The following SUMO2 variants were observed in gnomAD, a reference collection of about 807,000 sequenced individuals.
The protein encoded by SUMO2 is small ubiquitin like modifier 2, also known as small ubiquitin-related modifier 2.
A neutral mutation model predicts 16.0 loss-of-function variants in SUMO2; 1 was observed. The observed-to-expected ratio is 0.06, with a 90% CI of 0.02 to 0.30. The LOEUF is 0.30. Among genes scored for constraint, SUMO2 ranks in the 10% least tolerant of loss-of-function variants. The probability of loss-of-function intolerance (pLI) is 1.00; values close to 1 mark genes in which losing one functional copy is unlikely to be tolerated. For missense variants in SUMO2, 16 were observed against 117.5 expected (o/e 0.14, Z 3.99); for synonymous variants, 36 against 40.6 (o/e 0.89, Z 0.43).
chr17:75,176,131 C>T (rs951916707), intron 2 of SUMO2, among the ~76,000 whole-genome samples: 1 of 151,798 alleles, frequency 6.6e-6, no homozygotes, highest in Admixed American at 6.6e-5. Flanking sequence ...CCTCCACCAC[C>T]GGAGTTCAAG....
chr17:75,174,221 C>G (rs1014536428), intron 3 of SUMO2, among the ~76,000 whole-genome samples: 1 of 151,762 alleles, frequency 6.6e-6, no homozygotes, highest in Non-Finnish European at 1.5e-5. Context: ...GAAACCCCAT[C>G]CCTACCAAAA....
At position 75,182,926 on chromosome 17, in the gene SUMO2, A is replaced by T. The variant is rs940860012; in HGVS notation, c.-92T>A. On this transcript the variant is annotated 5_prime_UTR_variant, in exon 1 of 4. Transcript: ENST00000420826. ...ACACAAGCAGCACCAGGAGCGGCAG[A>T]AGAAGGAGGCGGCAGCGGTGGACGA... 2.5e-5 allele frequency: 29 copies of T among 1,139,248 alleles called. No individual in the cohort carries two copies. Among genetic ancestry groups the T allele is most frequent in the Middle Eastern group, 3.3e-4 (1 of 3,010 alleles). 70.6% of individuals were successfully genotyped at this position (1,139,248 alleles called of 1,614,324 possible). A position where few individuals can be genotyped will look rare whatever the true frequency, so the allele number is the denominator to read the frequency against.
chr17:75,174,742 A>AT lies in SUMO2; in HGVS notation c.225+9dup, dbSNP rs150734961. On this transcript the variant is annotated intron_variant, in intron 3 of 3. Transcript: ENST00000420826. Reference sequence around the variant, plus strand: ...ATGGTAATTTTTCTAATTAGGAGAGATTTTTTTACCTGTGCAGGTGTGTCT... The same window carrying AT: ...ATGGTAATTTTTCTAATTAGGAGAGATTTTTTTTACCTGTGCAGGTGTGTCT... The AT allele has an allele frequency of 2.7e-3, 4,354 of 1,611,246 alleles. 90 individuals carry two copies. The African/African-American group carries it at 0.046, about 17-fold the overall frequency.
At position 75,167,181 on chromosome 17, in the gene SUMO2, C is replaced by T. The variant is rs887949246; in HGVS notation, c.*1158G>A. The T allele has an allele frequency of 1.3e-5, 2 of 148,176 alleles. No homozygotes were observed. Among genetic ancestry groups the T allele is most frequent in the African/African-American group, 5.0e-5 (2 of 40,034 alleles). The allele number at this position is 148,176 out of a possible 1,614,324, so 9.2% of individuals were successfully genotyped here. A position where few individuals can be genotyped will look rare whatever the true frequency, so the allele number is the denominator to read the frequency against. Reference sequence around the variant, plus strand: ...AAAAATAGAAAAAAAATTAGCTGGGCGTGGTGGCATGCACCTATGACCCCC... The same window carrying T: ...AAAAATAGAAAAAAAATTAGCTGGGTGTGGTGGCATGCACCTATGACCCCC... On this transcript the variant is annotated 3_prime_UTR_variant, in exon 4 of 4. Coordinates refer to ENST00000420826, the MANE Select transcript of SUMO2 (RefSeq NM_006937.4).
chr17:75,169,042 G>T (rs1239545775), intron 3 of SUMO2, among the ~76,000 whole-genome samples: 1 of 140,110 alleles, frequency 7.1e-6, no homozygotes, highest in Admixed American at 7.7e-5. Context: ...AACATAGGGA[G>T]ACAACATCTC....
intron 3 of SUMO2, among the ~76,000 whole-genome samples, chr17:75,170,093 C>T (rs558532313): frequency 6.6e-6 from 1 of 151,972 alleles, no homozygotes; most frequent in African/African-American, 2.4e-5. Flanking sequence ...AGGAGAATCA[C>T]TTGAACCCAG....
rs1047782527 is a variant in SUMO2 at position 75,167,683 on chromosome 17, T to C, written c.*656A>G. On this transcript the variant is annotated 3_prime_UTR_variant, in exon 4 of 4. Transcript: ENST00000420826. ...TAAGCAGGCCTATTTATGTTTTTTC[T>C]AAGCCTCAATTTTCTATTTAATATT... 6.6e-6 allele frequency: 1 copy of C among 152,574 alleles called. No individual in the cohort carries two copies. The highest frequency in any genetic ancestry group is 2.4e-5 in the African/African-American group (1 of 41,462). 9.5% of individuals were successfully genotyped at this position (152,574 alleles called of 1,614,324 possible). A position where few individuals can be genotyped will look rare whatever the true frequency, so the allele number is the denominator to read the frequency against.
rs549534769 is a variant in SUMO2, at chr17:75,165,708, G to A, written c.*2631C>T. ...CACCGTCTATTTCACAACTTTTCTGGAACTTGGCTTTCTCATCTATAAAAT... is the reference window on the plus strand; with the variant it reads ...CACCGTCTATTTCACAACTTTTCTGAAACTTGGCTTTCTCATCTATAAAAT... On this transcript the variant is annotated 3_prime_UTR_variant, in exon 4 of 4. Transcript: ENST00000420826. 1.3e-5 allele frequency: 2 copies of A among 152,096 alleles called. No homozygotes were observed. Among genetic ancestry groups the A allele is most frequent in the Admixed American group, 1.3e-4 (2 of 15,258 alleles). The allele number at this position is 152,096 out of a possible 1,614,324, so 9.4% of individuals were successfully genotyped here.
intron 2 of SUMO2, among the ~76,000 whole-genome samples, chr17:75,176,570 C>T (rs796254179): frequency 2.0e-5 from 3 of 151,910 alleles, no homozygotes; most frequent in African/African-American, 7.3e-5. Flanking sequence ...GAGCCAAGAT[C>T]GTGCCCTAGC....
chr17:75,175,348 T>C (rs1323883231), intron 2 of SUMO2, among the ~76,000 whole-genome samples: 1 of 151,388 alleles, frequency 6.6e-6, no homozygotes, highest in Non-Finnish European at 1.5e-5. Flanking sequence ...TGAGACAGAG[T>C]CTTGCTCTGT....
rs772194967 is a variant in SUMO2, at chr17:75,174,837, TA to T, written c.154-15del. ...CATTGACAATCCCTGAACGAGAATTTAAAAGCAATAAACAGCATTAAGAGAA... is the reference window on the plus strand; with the variant it reads ...CATTGACAATCCCTGAACGAGAATTTAAAGCAATAAACAGCATTAAGAGAA... On this transcript the variant is annotated splice_polypyrimidine_tract_variant and intron_variant, in intron 2 of 3. Coordinates refer to ENST00000420826, the MANE Select transcript of SUMO2 (RefSeq NM_006937.4). The T allele has an allele frequency of 1.1e-5, 18 of 1,609,862 alleles. No homozygotes were observed. Among genetic ancestry groups the T allele is most frequent in the Non-Finnish European group, 1.5e-5 (18 of 1,177,854 alleles).
chr17:75,177,811 G>C (rs925566009), intron 2 of SUMO2, among the ~76,000 whole-genome samples: 1 of 145,186 alleles, frequency 6.9e-6, no homozygotes, highest in African/African-American at 2.6e-5. Flanking sequence ...TGGCCAACGT[G>C]GTAAAACCCC....
intron 1 of SUMO2, 152 bp downstream of exon 1, chr17:75,182,662 A>T: frequency 1.9e-6 from 1 of 524,846 alleles, no homozygotes. Flanking sequence ...GGGAGGGAGG[A>T]AAATGGCGCG....
In SUMO2 at chr17:75,179,066, T is replaced by C. The variant is rs191329952; in HGVS notation, c.153+1991A>G. Among the ~76,000 whole-genome samples, 20 of 152,292 alleles carry C rather than the reference T, an allele frequency of 1.3e-4. No homozygotes were observed. The East Asian group carries it at 3.5e-3, about 26-fold the overall frequency. On this transcript the variant is annotated intron_variant, in intron 2 of 3. Coordinates refer to ENST00000420826, the MANE Select transcript of SUMO2 (RefSeq NM_006937.4). ...CACGCCCAGCCTATGATTTTCTATT[T>C]TGTATGCAGTTTTGCTAAAGAAGTT... is the stretch of plus-strand genomic sequence containing the variant.
intron 3 of SUMO2, among the ~76,000 whole-genome samples, chr17:75,173,118 A>G (rs1432811918): frequency 1.3e-5 from 2 of 152,188 alleles, no homozygotes; most frequent in East Asian, 1.9e-4. Context: ...ATGGGATCCA[A>G]TTTAAATTTC....
At chr17:75,171,590 T>C (rs1423727599) in intron 3 of SUMO2, among the ~76,000 whole-genome samples, 1 of 152,206 alleles carries the variant, frequency 6.6e-6, no homozygotes, top group Non-Finnish European at 1.5e-5. Flanking sequence ...AATCCTGCTA[T>C]CTAACAAATA....
chr17:75,179,815 C>A (rs950215745), intron 2 of SUMO2, among the ~76,000 whole-genome samples: 1 of 152,162 alleles, frequency 6.6e-6, no homozygotes, highest in South Asian at 2.1e-4. Context: ...TGTAACACCA[C>A]GCCCAGCTAA....
chr17:75,172,773 C>T (rs1373227686), intron 3 of SUMO2, among the ~76,000 whole-genome samples: 2 of 151,948 alleles, frequency 1.3e-5, no homozygotes, highest in African/African-American at 4.8e-5. Flanking sequence ...CTGCGCCCGG[C>T]GATGCCTGGC....
intron 2 of SUMO2, among the ~76,000 whole-genome samples, chr17:75,177,924 G>T (rs2074795707): frequency 7.0e-6 from 1 of 142,654 alleles, no homozygotes. Flanking sequence ...GGGAGGTGGA[G>T]GTTGCAGTGA....
Sources: gnomAD v4.1 joint callset for allele counts (sites outside exome capture counted in the v4.1 genomes callset) on GRCh38, gnomAD v4.1.1 for gene constraint, MANE v1.5 for transcripts, NCBI Gene and HGNC (gene_info 2026-07-23, HGNC 2026-07-21) for gene names.